NPC1L1: variants seen among roughly 807,000 people sequenced by gnomAD.
NPC1L1 encodes NPC1-like intracellular cholesterol transporter 1.
In NPC1L1, 98 loss-of-function variants were observed where a neutral mutation model predicts 117.0. The ratio of observed to expected loss-of-function variants is 0.84; its 90% confidence interval spans 0.71 to 0.99. The LOEUF is 0.99. Ranked by LOEUF, NPC1L1 falls within the 50% of genes least tolerant of loss-of-function variation. NPC1L1 has a pLI of 0.00. For synonymous variants in NPC1L1, 729 were observed against 727.6 expected (o/e 1.00, Z -0.03); for missense variants, 1,540 against 1,710.0 (o/e 0.90, Z 1.75).
chr7:44,514,150 A>G (rs1255007924), intron 18 of NPC1L1, among the ~76,000 whole-genome samples: 1 of 152,198 alleles, frequency 6.6e-6, no homozygotes, highest in Non-Finnish European at 1.5e-5. Flanking sequence ...TAGTAAGAGA[A>G]TTACAGACAC....
intron 10 of NPC1L1, among the ~76,000 whole-genome samples, chr7:44,527,901 T>C (rs217411): frequency 0.052 from 7,843 of 152,276 alleles, 335 homozygotes; most frequent in African/African-American, 0.11. Flanking sequence ...CCCAGCTCAC[T>C]GCAACCTCTA....
chr7:44,539,290 G>A lies in NPC1L1; in HGVS notation c.1107C>T (p.Gly369=), dbSNP rs747747791. The A allele has an allele frequency of 6.2e-6, 10 of 1,613,916 alleles. No individual in the cohort carries two copies. The highest frequency in any genetic ancestry group is 8.5e-6 in the Non-Finnish European group (10 of 1,179,998). ...SVIPVVALAA[G]LVFTELTTDP... ...CCGTAGTGAGTTCTGTAAAGACCAG[G>A]CCCGCTGCCAAGGCCACCACCGGGA... Residue 369 remains glycine, a synonymous_variant, in exon 2 of 19, where the codon GGC becomes GGT. Transcript: ENST00000381160. The surrounding 1 kb of genome is among the most constrained non-coding windows in gnomAD (Gnocchi z 4.4).
intron 14 of NPC1L1, among the ~76,000 whole-genome samples, chr7:44,517,807 A>C (rs1361965392): frequency 2.6e-5 from 4 of 152,172 alleles, no homozygotes; most frequent in African/African-American, 9.7e-5. Context: ...GTTATTTCTT[A>C]ATGACTTTTA....
Position 44,526,296 on chromosome 7 carries a change from C to T in NPC1L1, c.2638-4054G>A, listed in dbSNP as rs1418166922. ...AGGCATGGTGGCTCATGCCTGTAATCCCAGCACTTTGGGAGGCCGAGGCAG... is the reference window on the plus strand; with the variant it reads ...AGGCATGGTGGCTCATGCCTGTAATTCCAGCACTTTGGGAGGCCGAGGCAG... On this transcript the variant is annotated intron_variant, in intron 10 of 18. Transcript: ENST00000381160. 3.9e-5 allele frequency among the ~76,000 whole-genome samples: 6 copies of T among 152,190 alleles called. No homozygotes were observed. In the East Asian group the frequency reaches 9.6e-4, roughly 24 times the overall value.
chr7:44,518,577 G>A (rs1801258027), intron 14 of NPC1L1: 1 of 428,974 alleles, frequency 2.3e-6, no homozygotes, highest in African/African-American at 2.1e-5. Flanking sequence ...GCTGAGGCAG[G>A]AGAATTACTT....
At chr7:44,517,033 G>A in intron 15 of NPC1L1, 99 bp from the exon 16 acceptor site, 1 of 1,443,020 alleles carries the variant, frequency 6.9e-7, no homozygotes, top group Non-Finnish European at 9.7e-7. Flanking sequence ...GGGTCAGGCA[G>A]GCTTATATTG....
Position 44,531,853 on chromosome 7 carries a change from G to C in NPC1L1, c.2548-9C>G. ...GCGAGAAACAGCAGCAGCTGAGAAG[G>C]GACCTGCTGCATGAGACCACCCTGC... On this transcript the variant is annotated splice_polypyrimidine_tract_variant and intron_variant, in intron 9 of 18. Transcript: ENST00000381160. 1.3e-6 allele frequency: 2 copies of C among 1,571,654 alleles called. No homozygotes were observed. Among genetic ancestry groups the C allele is most frequent in the Non-Finnish European group, 1.7e-6 (2 of 1,157,908 alleles).
chr7:44,521,122 C>T lies in NPC1L1; in HGVS notation c.2954-4G>A, dbSNP rs369843967. Reference sequence around the variant, plus strand: ...TTCTTTAGGCAGTTCAGAGAGTCTGCAGAGAAAGCAGGGGTCTGGGCAGTG... The same window carrying T: ...TTCTTTAGGCAGTTCAGAGAGTCTGTAGAGAAAGCAGGGGTCTGGGCAGTG... On this transcript the variant is annotated splice_polypyrimidine_tract_variant and splice_region_variant and intron_variant, in intron 12 of 18. Transcript: ENST00000381160. The T allele has an allele frequency of 6.2e-7, 1 of 1,614,100 alleles. No individual in the cohort carries two copies. Among genetic ancestry groups the T allele is most frequent in the Non-Finnish European group, 8.5e-7 (1 of 1,180,042 alleles).
At position 44,540,264 on chromosome 7, in the gene NPC1L1, G is replaced by A. The variant is rs750188259; in HGVS notation, c.133C>T (p.Leu45=). 6.2e-7 allele frequency: 1 copy of A among 1,614,096 alleles called. No homozygotes were observed. Among genetic ancestry groups the A allele is most frequent in the South Asian group, 1.1e-5 (1 of 91,082 alleles). ...FYDECGKNPE[L]SGSLMTLSNV... ...GAGAGTGTCATGAGGCTTCCAGACA[G>A]CTCTGGGTTCTTCCCACATTCGTCA... Residue 45 remains leucine, a synonymous_variant, in exon 2 of 19, where the codon CTG becomes TTG. Transcript: ENST00000381160.
chr7:44,533,391 C>T (rs1287331318), intron 8 of NPC1L1, 40 bp downstream of exon 8: 1 of 1,612,240 alleles, frequency 6.2e-7, no homozygotes, highest in Non-Finnish European at 8.5e-7. Flanking sequence ...TGGTGGGAAC[C>T]CAGGGGCAGG....
Position 44,541,289 on chromosome 7 carries a change from C to G in NPC1L1, c.-30G>C. On this transcript the variant is annotated 5_prime_UTR_variant, in exon 1 of 19. Coordinates refer to ENST00000381160, the MANE Select transcript of NPC1L1 (RefSeq NM_001101648.2). ...GGTCTGGGAAGGGGTCAGCGGGGAG[C>G]CAGGCCAGGCCTCAGGAACAGCCAA... 6.5e-7 allele frequency: 1 copy of G among 1,547,310 alleles called. No homozygotes were observed. Among genetic ancestry groups the G allele is most frequent in the Non-Finnish European group, 8.7e-7 (1 of 1,145,332 alleles).
At chr7:44,514,388 C>T (rs1020767073) in intron 18 of NPC1L1, among the ~76,000 whole-genome samples, 1 of 152,198 alleles carries the variant, frequency 6.6e-6, no homozygotes, top group Non-Finnish European at 1.5e-5. Flanking sequence ...ATTAATGAGA[C>T]CGGGTGCGGT....
rs576487804 is a variant in NPC1L1, at chr7:44,521,594, G to A, written c.2953+118C>T. On this transcript the variant is annotated intron_variant, in intron 12 of 18. Coordinates refer to ENST00000381160, the MANE Select transcript of NPC1L1 (RefSeq NM_001101648.2). The stretch of plus-strand genomic sequence containing the variant: ...AGGCCACATCTGCACCCATGCCCCC[G>A]ACAGACCCTGCAGGATGCGTGGGAG... The A allele has an allele frequency of 8.9e-5, 135 of 1,521,920 alleles. No individual in the cohort carries two copies. The African/African-American group carries it at 1.3e-3, about 15-fold the overall frequency. The allele number at this position is 1,521,920 out of a possible 1,614,324, so 94.3% of individuals were successfully genotyped here. A position where few individuals can be genotyped will look rare whatever the true frequency, so the allele number is the denominator to read the frequency against.
Position 44,533,461 on chromosome 7 carries a change from G to A in NPC1L1, c.2379C>T (p.Ala793=). 1 of 1,613,964 alleles carries A rather than the reference G, an allele frequency of 6.2e-7. No homozygotes were observed. Among genetic ancestry groups the A allele is most frequent in the Non-Finnish European group, 8.5e-7 (1 of 1,179,966 alleles). The change falls in exon 8 of 19, where the codon GCC becomes GCT. Residue 793 remains alanine (A), a synonymous_variant. Coordinates refer to ENST00000381160, the MANE Select transcript of NPC1L1 (RefSeq NM_001101648.2). ...DFLLQMSAFV[A]LLSLDSKRQE... is the part of the protein sequence containing the mutation. ...GCCTCTTGCTGTCCAGGGAGAGCAG[G>A]GCCACAAAGGCTGACATCTGCAGGA... is the stretch of plus-strand genomic sequence containing the variant.
In NPC1L1 at chr7:44,521,728, G is replaced by C; in HGVS notation, c.2937C>G (p.Phe979Leu). Reference sequence around the variant, plus strand: ...CACACTCACTGACGGTCGAGGGGCAGAACTTGTCCTTATTGGGGCCAGATA... The same window carrying C: ...CACACTCACTGACGGTCGAGGGGCACAACTTGTCCTTATTGGGGCCAGATA... ...LYISGPNKDK[F>L]CPSTVNSLNC... Residue 979 changes from phenylalanine to leucine, a missense_variant, in exon 12 of 19, where the codon TTC (phenylalanine) becomes TTG (leucine). Phe to Leu is a conservative substitution (Grantham distance 22, BLOSUM62 0). This residue lies in a region of NPC1L1 where 742 missense variants were observed against 873.6 expected (regional missense o/e 0.85). Transcript: ENST00000381160. 6.2e-7 allele frequency: 1 copy of C among 1,614,176 alleles called. No individual in the cohort carries two copies. Among genetic ancestry groups the C allele is most frequent in the South Asian group, 1.1e-5 (1 of 91,066 alleles).
intron 17 of NPC1L1, 49 bp downstream of exon 17, chr7:44,516,035 G>A (rs751895918): frequency 3.7e-6 from 6 of 1,607,574 alleles, no homozygotes; most frequent in Non-Finnish European, 5.1e-6. Context: ...ATCAGGCAGG[G>A]CACAGGGTGT....
In NPC1L1 at chr7:44,539,049, T is replaced by G. The variant is rs1415449908; in HGVS notation, c.1348A>C (p.Arg450=). 6.2e-7 allele frequency: 1 copy of G among 1,613,866 alleles called. No homozygotes were observed. Among genetic ancestry groups the G allele is most frequent in the Non-Finnish European group, 8.5e-7 (1 of 1,179,956 alleles). The part of the protein sequence containing the change: ...LLLELLELQE[R]LRHLQVWSPE... ...GACCATACCTGGAGGTGCCGCAGCC[T>G]CTCCTGCAGCTCTAGCAGCTCCAGC... Residue 450 remains arginine (R), a synonymous_variant, in exon 2 of 19, where the codon AGG becomes CGG. Transcript: ENST00000381160. This position sits in a 1 kb window ranked among gnomAD's most constrained non-coding sequence, Gnocchi z 4.4.
intron 14 of NPC1L1, among the ~76,000 whole-genome samples, chr7:44,517,918 C>T (rs1249903715): frequency 2.0e-5 from 3 of 151,894 alleles, no homozygotes; most frequent in African/African-American, 7.3e-5. Flanking sequence ...GAGTTCAAGA[C>T]CAGCCTGCCC....
chr7:44,538,849 G>A lies in NPC1L1; in HGVS notation c.1548C>T (p.Val516=), dbSNP rs753797103. The A allele has an allele frequency of 1.9e-5, 31 of 1,614,046 alleles. No individual in the cohort carries two copies. The highest frequency in any genetic ancestry group is 2.3e-5 in the Non-Finnish European group (27 of 1,180,040). The change falls in exon 2 of 19, where the codon GTC becomes GTT. Residue 516 remains valine, a synonymous_variant. Transcript: ENST00000381160. This position sits in a 1 kb window ranked among gnomAD's most constrained non-coding sequence, Gnocchi z 5.9. ...AGTACAGAAAATGGTCCTTCCAGTC[G>A]ACTTGGGAGGTCTGCCCCATCAGTG... is the stretch of plus-strand genomic sequence containing the variant. ...NQTLMGQTSQ[V]DWKDHFLYCA... is the part of the protein sequence containing the mutation.
Sources: gnomAD v4.1 joint callset for allele counts (sites outside exome capture counted in the v4.1 genomes callset) on GRCh38, gnomAD v4.1.1 for gene constraint, gnomAD v4.1.1 regional missense constraint, Gnocchi (gnomAD v3.1) non-coding constraint, MANE v1.5 for transcripts, NCBI Gene and HGNC (gene_info 2026-07-23, HGNC 2026-07-21) for gene names.